The following TDRD3 variants were observed in gnomAD, a reference collection of about 807,000 sequenced individuals.
TDRD3 encodes tudor domain-containing protein 3.
Under a neutral mutation model 86.7 loss-of-function variants are expected in TDRD3, and 45 were observed. That is an observed-to-expected ratio of 0.52 (90% CI 0.41 to 0.67). The LOEUF is 0.67. Ranked by LOEUF, TDRD3 falls within the 30% of genes least tolerant of loss-of-function variation. The probability of loss-of-function intolerance (pLI) is 0.00; values close to 1 mark genes in which losing one functional copy is unlikely to be tolerated. For missense variants in TDRD3, 814 were observed against 889.0 expected, an observed-to-expected ratio of 0.92 and a Z score of 1.07; for synonymous variants, 298 against 301.7, an observed-to-expected ratio of 0.99 and a Z score of 0.13.
chr13:60,547,013 TTAA>T (rs1943958246), intron 12 of TDRD3, among the ~76,000 whole-genome samples: 1 of 152,142 alleles, frequency 6.6e-6, no homozygotes, highest in African/African-American at 2.4e-5. Flanking sequence ...TTAATAGAAC[TTAA>T]TAAAATGTCT....
chr13:60,564,095 G>A (rs190421871), intron 12 of TDRD3, among the ~76,000 whole-genome samples: 2 of 152,232 alleles, frequency 1.3e-5, no homozygotes, highest in East Asian at 3.9e-4. Flanking sequence ...TAGTATAAAA[G>A]CTCATATTGA....
At chr13:60,555,852 C>CT (rs35001150) in intron 12 of TDRD3, among the ~76,000 whole-genome samples, 4,818 of 140,440 alleles carry the variant, frequency 0.034, 197 homozygotes, top group African/African-American at 0.082. Context: ...CTATTTCTTT[C>CT]TTTTTTTTTT....
At chr13:60,541,932 G>C (rs919645927) in intron 12 of TDRD3, among the ~76,000 whole-genome samples, 5 of 151,280 alleles carry the variant, frequency 3.3e-5, no homozygotes, top group African/African-American at 1.2e-4. Flanking sequence ...TCTCCATGTT[G>C]GTCAGGCTGG....
chr13:60,397,535 G>A (rs1291165175), intron 1 of TDRD3, 130 bp downstream of exon 1: 3 of 679,300 alleles, frequency 4.4e-6, no homozygotes, highest in Admixed American at 9.1e-5. Context: ...CTCTCCCCGG[G>A]CCCTTCGGGC....
At chr13:60,442,906 A>G (rs765408059) in intron 2 of TDRD3, among the ~76,000 whole-genome samples, 2 of 151,972 alleles carry the variant, frequency 1.3e-5, no homozygotes, top group South Asian at 4.1e-4. Flanking sequence ...CTTTACAGTG[A>G]TGGCTCATTT....
chr13:60,551,750 C>G (rs555041965), intron 12 of TDRD3, among the ~76,000 whole-genome samples: 1 of 152,272 alleles, frequency 6.6e-6, no homozygotes, highest in African/African-American at 2.4e-5. Context: ...ACTCACAGTT[C>G]TGCATAGCTG....
At chr13:60,426,066 G>C (rs1313934758) in intron 1 of TDRD3, among the ~76,000 whole-genome samples, 5 of 152,102 alleles carry the variant, frequency 3.3e-5, no homozygotes, top group Non-Finnish European at 1.5e-5. Context: ...AGGGTGACTT[G>C]TATTTACAAT....
At chr13:60,486,429 TAA>T (rs1180631005) in intron 7 of TDRD3, among the ~76,000 whole-genome samples, 1 of 152,182 alleles carries the variant, frequency 6.6e-6, no homozygotes, top group East Asian at 1.9e-4. Flanking sequence ...TAGTGTATAG[TAA>T]AAAATAATTT....
intron 12 of TDRD3, among the ~76,000 whole-genome samples, chr13:60,553,550 A>T (rs1346978788): frequency 1.3e-5 from 2 of 148,568 alleles, no homozygotes; most frequent in Non-Finnish European, 2.9e-5. Context: ...TATTTTTTTT[A>T]AATAAAAAAA....
chr13:60,431,117 C>A (rs1360684260), intron 1 of TDRD3, among the ~76,000 whole-genome samples: 3 of 151,740 alleles, frequency 2.0e-5, no homozygotes, highest in Admixed American at 6.6e-5. Context: ...TTTTTTTAAA[C>A]CCTGAGTGAT....
At chr13:60,535,083 T>A (rs187531236) in intron 11 of TDRD3, 25 bp from the exon 12 acceptor site, 24 of 1,612,242 alleles carry the variant, frequency 1.5e-5, no homozygotes, top group Non-Finnish European at 2.0e-5. Flanking sequence ...AGTTGTCATA[T>A]TTAAAACTCC....
intron 10 of TDRD3, among the ~76,000 whole-genome samples, chr13:60,514,165 G>A (rs1957119884): frequency 6.6e-6 from 1 of 152,206 alleles, no homozygotes; most frequent in South Asian, 2.1e-4. Context: ...GAGCAAAGGT[G>A]TTATGTTTTA....
intron 3 of TDRD3, among the ~76,000 whole-genome samples, chr13:60,453,080 G>T (rs1210297580): frequency 6.6e-6 from 1 of 151,806 alleles, no homozygotes; most frequent in Non-Finnish European, 1.5e-5. Flanking sequence ...TTCAAAAATA[G>T]GTTTTAAGAT....
At chr13:60,556,692 C>G (rs1282156712) in intron 12 of TDRD3, among the ~76,000 whole-genome samples, 1 of 151,884 alleles carries the variant, frequency 6.6e-6, no homozygotes, top group East Asian at 1.9e-4. Flanking sequence ...GCATTGTATT[C>G]CAAGTAAGCC....
intron 11 of TDRD3, among the ~76,000 whole-genome samples, chr13:60,530,762 AAT>A (rs543413676): frequency 1.4e-3 from 219 of 151,970 alleles, no homozygotes; most frequent in Non-Finnish European, 2.5e-3. Context: ...GCCCAAAATA[AAT>A]ATTTTATAGG....
intron 12 of TDRD3, among the ~76,000 whole-genome samples, chr13:60,555,617 A>T (rs1958165066): frequency 6.6e-6 from 1 of 152,200 alleles, no homozygotes; most frequent in Non-Finnish European, 1.5e-5. Flanking sequence ...AACGTACTTG[A>T]GAATTTTTGT....
In TDRD3 at chr13:60,509,611, T is replaced by G; in HGVS notation, c.859-152T>G. ...ATCATACAGATTCTTCCTTGCCTCTTGTAAAAAATCAGCAAGAGAATGTTG... is the reference window on the plus strand; with the variant it reads ...ATCATACAGATTCTTCCTTGCCTCTGGTAAAAAATCAGCAAGAGAATGTTG... On this transcript the variant is annotated intron_variant, in intron 8 of 13. Transcript: ENST00000377881. 4 of 958,306 alleles carry G rather than the reference T, an allele frequency of 4.2e-6. No homozygotes were observed. In the South Asian group the frequency reaches 4.8e-5, roughly 11 times the overall value. The allele number at this position is 958,306 out of a possible 1,614,324, so 59.4% of individuals were successfully genotyped here. A position where few individuals can be genotyped will look rare whatever the true frequency, so the allele number is the denominator to read the frequency against.
intron 11 of TDRD3, 54 bp downstream of exon 11, chr13:60,529,271 G>T: frequency 1.3e-6 from 2 of 1,503,224 alleles, no homozygotes; most frequent in Non-Finnish European, 8.8e-7. Context: ...TAACATTCTA[G>T]TGGGACTTTA....
At chr13:60,436,642 A>G (rs1172408437) in intron 1 of TDRD3, among the ~76,000 whole-genome samples, 1 of 152,122 alleles carries the variant, frequency 6.6e-6, no homozygotes, top group East Asian at 1.9e-4. Flanking sequence ...GTATTTTTAT[A>G]CCAGTACCAT....
Sources: gnomAD v4.1 joint callset for allele counts (sites outside exome capture counted in the v4.1 genomes callset) on GRCh38, gnomAD v4.1.1 for gene constraint, MANE v1.5 for transcripts, NCBI Gene and HGNC (gene_info 2026-07-23, HGNC 2026-07-21) for gene names.